AGAP5: variants seen among roughly 807,000 people sequenced by gnomAD.
AGAP5 encodes the protein ArfGAP with GTPase domain, ankyrin repeat and PH domain 5.
A neutral mutation model predicts 27.7 loss-of-function variants in AGAP5; 8 were observed. The observed-to-expected ratio is 0.29, with a 90% CI of 0.17 to 0.52. The LOEUF is 0.52. Among genes scored for constraint, AGAP5 ranks in the 20% least tolerant of loss-of-function variants. The pLI, the probability that AGAP5 is intolerant of heterozygous loss-of-function variation, is 0.97. For synonymous variants in AGAP5, 111 were observed against 338.0 expected, an observed-to-expected ratio of 0.33 and a Z score of 7.37; for missense variants, 285 against 880.8, an observed-to-expected ratio of 0.32 and a Z score of 8.56.
At chr10:73,683,461 T>A (rs1189455542) in intron 4 of AGAP5, among the ~76,000 whole-genome samples, 6,459 of 114,378 alleles carry the variant, frequency 0.056, 54 homozygotes, top group East Asian at 0.19. Flanking sequence ...TTAATTTATT[T>A]ATTTATTTAT....
At chr10:73,694,644 A>G in intron 3 of AGAP5, 92 bp downstream of exon 3, 1 of 1,591,444 alleles carries the variant, frequency 6.3e-7, no homozygotes, top group East Asian at 2.2e-5. Context: ...GAAAAATTTA[A>G]ACCAATATGA....
chr10:73,688,304 G>C (rs1353427681), intron 4 of AGAP5, among the ~76,000 whole-genome samples: 1 of 152,134 alleles, frequency 6.6e-6, no homozygotes, highest in Non-Finnish European at 1.5e-5. Flanking sequence ...CTTCAATAAA[G>C]ATCCCCAAAT....
In AGAP5 at chr10:73,697,630, T is replaced by C. The variant is rs762076408; in HGVS notation, c.126A>G (p.Gly42=). ...YEAGAGDRMA[G]APMAAAVQPA... ...GCTGCACAGCAGCAGCCATGGGCGC[T>C]CCTGCCATCCTGTCCCCAGCTCCTG... Residue 42 remains glycine (G), a synonymous_variant, in exon 1 of 8, where the codon GGA becomes GGG. Transcript: ENST00000374094. The C allele has an allele frequency of 4.4e-6, 7 of 1,606,598 alleles. No individual in the cohort carries two copies. In the South Asian group the frequency reaches 7.7e-5, roughly 18 times the overall value.
At chr10:73,691,691 CA>C (rs1423509094) in intron 4 of AGAP5, among the ~76,000 whole-genome samples, 1 of 152,040 alleles carries the variant, frequency 6.6e-6, no homozygotes, top group East Asian at 1.9e-4. Flanking sequence ...AGAATTTCAC[CA>C]TGTTGGTCAG....
chr10:73,694,213 T>C (rs2082142096), intron 3 of AGAP5, among the ~76,000 whole-genome samples: 1 of 152,180 alleles, frequency 6.6e-6, no homozygotes, highest in African/African-American at 2.4e-5. Context: ...AAAAAGTTAA[T>C]AACCTAAAAC....
chr10:73,696,197 T>A (rs183615559), intron 2 of AGAP5, among the ~76,000 whole-genome samples: 4 of 152,222 alleles, frequency 2.6e-5, no homozygotes, highest in Admixed American at 6.5e-5. Context: ...ATTTTTTTTT[T>A]AGTAGAGACA....
chr10:73,688,233 G>A (rs1484954968), intron 4 of AGAP5, among the ~76,000 whole-genome samples: 5 of 152,166 alleles, frequency 3.3e-5, no homozygotes, highest in Non-Finnish European at 7.3e-5. Context: ...TTACTTTCCA[G>A]GCCTGCTTTT....
At chr10:73,694,678 C>A in intron 3 of AGAP5, 58 bp downstream of exon 3, 1 of 1,594,264 alleles carries the variant, frequency 6.3e-7, no homozygotes. Context: ...CTTTCTATAA[C>A]CTGATCAAAC....
chr10:73,691,534 C>T lies in AGAP5; in HGVS notation c.396+509G>A, dbSNP rs1456743687. Reference sequence around the variant, plus strand: ...TTGAGACGGAGTTTCGCTCTGTTGCCCAGGCTGGAGTGCAATGGCGCGATC... The same window carrying T: ...TTGAGACGGAGTTTCGCTCTGTTGCTCAGGCTGGAGTGCAATGGCGCGATC... On this transcript the variant is annotated intron_variant, in intron 4 of 7. Transcript: ENST00000374094. 2.0e-5 allele frequency among the ~76,000 whole-genome samples: 3 copies of T among 150,730 alleles called. No individual in the cohort carries two copies. The East Asian group carries it at 5.8e-4, about 29-fold the overall frequency.
At chr10:73,690,167 T>G (rs1486059933) in intron 4 of AGAP5, among the ~76,000 whole-genome samples, 2 of 152,160 alleles carry the variant, frequency 1.3e-5, no homozygotes, top group South Asian at 2.1e-4. Flanking sequence ...GAATAGAAAG[T>G]GGGGAAAGGT....
intron 3 of AGAP5, among the ~76,000 whole-genome samples, chr10:73,694,320 A>G (rs1460391279): frequency 6.6e-6 from 1 of 152,186 alleles, no homozygotes; most frequent in African/African-American, 2.4e-5. Flanking sequence ...GATGATAAAC[A>G]ACTATGTTTT....
At chr10:73,686,532 C>T (rs1027456425) in intron 4 of AGAP5, among the ~76,000 whole-genome samples, 1 of 152,122 alleles carries the variant, frequency 6.6e-6, no homozygotes, top group African/African-American at 2.4e-5. Flanking sequence ...AAAGCAAATG[C>T]AACAGAAACA....
At chr10:73,695,049 G>A (rs1239758299) in intron 2 of AGAP5, among the ~76,000 whole-genome samples, 3 of 149,798 alleles carry the variant, frequency 2.0e-5, no homozygotes, top group African/African-American at 2.5e-5. Context: ...GCCAGCACGA[G>A]TAACACAATG....
Position 73,698,048 on chromosome 10 carries a change from C to G in AGAP5, c.-293G>C. The stretch of plus-strand genomic sequence containing the variant: ...TGAACCCAACAAGCGCTGAGAGACA[C>G]AACAACTGCCTGAAGAGAGAACAGA... On this transcript the variant is annotated 5_prime_UTR_variant, in exon 1 of 8. Transcript: ENST00000374094. 1 of 1,379,370 alleles carries G rather than the reference C, an allele frequency of 7.2e-7. No individual in the cohort carries two copies. Among genetic ancestry groups the G allele is most frequent in the Non-Finnish European group, 9.4e-7 (1 of 1,062,528 alleles). The allele number at this position is 1,379,370 out of a possible 1,614,324, so 85.4% of individuals were successfully genotyped here. A position where few individuals can be genotyped will look rare whatever the true frequency, so the allele number is the denominator to read the frequency against.
At position 73,695,076 on chromosome 10, in the gene AGAP5, A is replaced by T. The variant is rs1001279906; in HGVS notation, c.293-272T>A. Among the ~76,000 whole-genome samples, 127 of 138,140 alleles carry T rather than the reference A, an allele frequency of 9.2e-4. No homozygotes were observed. The South Asian group carries it at 0.013, about 14-fold the overall frequency. 90.6% of individuals were successfully genotyped at this position (138,140 alleles called of 152,430 possible). Reference sequence around the variant, plus strand: ...AACACAATGACACCCTCCTTTATTTAAAAAAAAAAAAAAAATGAAGAGGTA... The same window carrying T: ...AACACAATGACACCCTCCTTTATTTTAAAAAAAAAAAAAAATGAAGAGGTA... On this transcript the variant is annotated intron_variant, in intron 2 of 7. Transcript: ENST00000374094.
Position 73,697,900 on chromosome 10 carries a change from G to GCACCAT in AGAP5, c.-151_-146dup, listed in dbSNP as rs2082176767. The GCACCAT allele has an allele frequency of 6.5e-7, 1 of 1,535,844 alleles. No homozygotes were observed. On this transcript the variant is annotated 5_prime_UTR_variant, in exon 1 of 8. In the 5' UTR this introduces an upstream ATG that the reference lacks. Transcript: ENST00000374094. ...TGCCCACCTCACAGCGCGGCCCCGGGCACCATCCCTGGCCCCGGCCCCGGC... is the reference window on the plus strand; with the variant it reads ...TGCCCACCTCACAGCGCGGCCCCGGGCACCATCACCATCCCTGGCCCCGGCCCCGGC...
chr10:73,688,547 T>C (rs3878049), intron 4 of AGAP5, among the ~76,000 whole-genome samples: 1 of 150,476 alleles, frequency 6.6e-6, no homozygotes, highest in Non-Finnish European at 1.5e-5. Flanking sequence ...TCAAAAAATA[T>C]AAAATTCAAT....
Position 73,697,103 on chromosome 10 carries a change from T to G in AGAP5, c.284A>C (p.Gln95Pro), listed in dbSNP as rs760437620. Residue 95 changes from glutamine to proline, a missense_variant, in exon 2 of 8, where the codon CAA (glutamine) becomes CCA (proline). By Grantham distance (76) the Gln-to-Pro change is moderately conservative. Coordinates refer to ENST00000374094, the MANE Select transcript of AGAP5 (RefSeq NM_001144000.4). ...AGACACTGTTGTCTCACCATCTGTT[T>G]GAGAGTTCCTCTGGAATATTGTGCT... ...EASTIFQRNS[Q>P]TDALEFNPSA... is the part of the protein sequence containing the mutation. 6.3e-7 allele frequency: 1 copy of G among 1,597,808 alleles called. No individual in the cohort carries two copies. The highest frequency in any genetic ancestry group is 1.3e-5 in the African/African-American group (1 of 74,850).
At chr10:73,677,376 CTTTTTTTTTTT>C (rs3998276) in intron 6 of AGAP5, among the ~76,000 whole-genome samples, 8 of 32,502 alleles carry the variant, frequency 2.5e-4, no homozygotes, top group East Asian at 2.3e-3. Context: ...CATAACTGTT[CTTTTTTTTTTT>C]TTTTTTTTTT....
Sources: allele counts gnomAD v4.1 joint callset (sites outside exome capture counted in the v4.1 genomes callset), GRCh38; gene constraint gnomAD v4.1.1; transcripts MANE v1.5; gene names NCBI Gene and HGNC (gene_info 2026-07-23, HGNC 2026-07-21).